CABLES1: variants seen among roughly 807,000 people sequenced by gnomAD.
CABLES1 encodes CDK5 and ABL1 enzyme substrate 1.
Under a neutral mutation model 57.8 loss-of-function variants are expected in CABLES1, and 36 were observed. That is an observed-to-expected ratio of 0.62 (90% CI 0.48 to 0.82). CABLES1 has a LOEUF of 0.82. Ranked by LOEUF, CABLES1 falls within the 40% of genes least tolerant of loss-of-function variation. CABLES1 has a pLI of 0.00. For synonymous variants in CABLES1, 374 were observed against 363.0 expected, an observed-to-expected ratio of 1.03 and a Z score of -0.35; for missense variants, 767 against 836.6, an observed-to-expected ratio of 0.92 and a Z score of 1.03.
In CABLES1 at chr18:23,214,017, T is replaced by C. The variant is rs1364335880; in HGVS notation, c.1051T>C (p.Phe351Leu). ...TGGCAGAAGATCCTTCTGTAGTATATTTTCAGTGCTGCCGTATCGCGACAG... is the reference window on the plus strand; with the variant it reads ...TGGCAGAAGATCCTTCTGTAGTATACTTTCAGTGCTGCCGTATCGCGACAG... ...ISGRRSFCSI[F>L]SVLPYRDSTQ... is the part of the protein sequence containing the mutation. The change falls in exon 4 of 10, where the codon TTT becomes CTT. Residue 351 changes from phenylalanine to leucine, a missense_variant. Physicochemically the swap from Phe to Leu is conservative, Grantham distance 22. Transcript: ENST00000256925. 4 of 1,613,310 alleles carry C rather than the reference T, an allele frequency of 2.5e-6. No individual in the cohort carries two copies. Among genetic ancestry groups the C allele is most frequent in the Middle Eastern group, 1.7e-4 (1 of 6,056 alleles).
At chr18:23,152,774 C>T (rs2046939528) in intron 1 of CABLES1, among the ~76,000 whole-genome samples, 1 of 151,558 alleles carries the variant, frequency 6.6e-6, no homozygotes, top group African/African-American at 2.4e-5. Context: ...CTCGAGCCAC[C>T]ATGCCAGGCC....
At chr18:23,160,814 A>G (rs1180555110) in intron 1 of CABLES1, among the ~76,000 whole-genome samples, 1 of 152,146 alleles carries the variant, frequency 6.6e-6, no homozygotes, top group African/African-American at 2.4e-5. Context: ...CGGGCAGATC[A>G]CTTGAGGTCA....
At chr18:23,145,708 ATGTT>A (rs775566149) in intron 1 of CABLES1, among the ~76,000 whole-genome samples, 19 of 152,226 alleles carry the variant, frequency 1.2e-4, no homozygotes, top group Non-Finnish European at 2.5e-4. Context: ...TTGTATTTTT[ATGTT>A]TGTTTGATTT....
chr18:23,208,500 TG>T (rs2047380866), intron 3 of CABLES1, among the ~76,000 whole-genome samples: 3 of 152,276 alleles, frequency 2.0e-5, no homozygotes, highest in Non-Finnish European at 4.4e-5. Context: ...GGAACGGCTG[TG>T]GGAAAAGGGG....
chr18:23,180,841 T>G (rs574678325), intron 1 of CABLES1, among the ~76,000 whole-genome samples: 1,770 of 152,106 alleles, frequency 0.012, 21 homozygotes, highest in Non-Finnish European at 0.016. Context: ...ATGTCTGTGG[T>G]GGGGGGATGG....
rs1417453742 is a variant in CABLES1 at position 23,190,016 on chromosome 18, C to T, written c.917+1107C>T. Among the ~76,000 whole-genome samples the T allele has an allele frequency of 2.6e-5, 4 of 152,308 alleles. No homozygotes were observed. The East Asian group carries it at 5.8e-4, about 22-fold the overall frequency. On this transcript the variant is annotated intron_variant, in intron 2 of 9. Transcript: ENST00000256925. ...TCCACTTTTGGAGTCTTTTTCAAAGCGTGGGTAACCTCCAGGTGCCTCCTA... is the reference window on the plus strand; with the variant it reads ...TCCACTTTTGGAGTCTTTTTCAAAGTGTGGGTAACCTCCAGGTGCCTCCTA...
At chr18:23,173,177 GA>G (rs2047095527) in intron 1 of CABLES1, among the ~76,000 whole-genome samples, 2 of 152,352 alleles carry the variant, frequency 1.3e-5, no homozygotes, top group Middle Eastern at 3.4e-3. Flanking sequence ...GCTGGGGATG[GA>G]GCACCAGGTA....
At chr18:23,212,257 T>C (rs978658376) in intron 3 of CABLES1, among the ~76,000 whole-genome samples, 6 of 152,212 alleles carry the variant, frequency 3.9e-5, no homozygotes, top group Admixed American at 3.9e-4. Flanking sequence ...ATTTATTGAG[T>C]GTGTACTATT....
intron 1 of CABLES1, among the ~76,000 whole-genome samples, chr18:23,180,960 A>G (rs1261748190): frequency 6.6e-6 from 1 of 152,172 alleles, no homozygotes; most frequent in African/African-American, 2.4e-5. Context: ...TTTCTAGGCT[A>G]ATATGCCCCA....
At chr18:23,177,418 T>TACACACACACACACACACACAC in intron 1 of CABLES1, among the ~76,000 whole-genome samples, 1 of 144,738 alleles carries the variant, frequency 6.9e-6, no homozygotes, top group East Asian at 2.1e-4. Flanking sequence ...AGCACATGTG[T>TACACACACACACACACACACAC]ACACACACAC....
intron 1 of CABLES1, among the ~76,000 whole-genome samples, chr18:23,140,778 A>G (rs1020213450): frequency 6.6e-6 from 1 of 152,176 alleles, no homozygotes; most frequent in African/African-American, 2.4e-5. Context: ...TTTGCCTCTG[A>G]GAACACTTGG....
chr18:23,146,869 C>A (rs1460424962), intron 1 of CABLES1, among the ~76,000 whole-genome samples: 5 of 152,152 alleles, frequency 3.3e-5, no homozygotes, highest in African/African-American at 1.2e-4. Flanking sequence ...AAGAAAGAAT[C>A]AACTAAGTAC....
In CABLES1 at chr18:23,140,438, CTTTTTTTTTT is replaced by C. The variant is rs11358415; in HGVS notation, c.845+3838_845+3847del. On this transcript the variant is annotated intron_variant, in intron 1 of 9. Coordinates refer to ENST00000256925, the MANE Select transcript of CABLES1 (RefSeq NM_001100619.3). ...TATTTTTCTTTCTTTCGTTTTCTTT[CTTTTTTTTTT>C]TTTTTTGAGATGGAGTCTTGCTCTG... Among the ~76,000 whole-genome samples, 3 of 138,324 alleles carry C rather than the reference CTTTTTTTTTT, an allele frequency of 2.2e-5. No individual in the cohort carries two copies. In the East Asian group the frequency reaches 6.2e-4, roughly 29 times the overall value. The allele number at this position is 138,324 out of a possible 152,430, so 90.7% of individuals were successfully genotyped here. A position where few individuals can be genotyped will look rare whatever the true frequency, so the allele number is the denominator to read the frequency against.
intron 4 of CABLES1, 23 bp from the exon 5 acceptor site, chr18:23,234,585 T>A: frequency 6.3e-7 from 1 of 1,594,140 alleles, no homozygotes; most frequent in Non-Finnish European, 8.6e-7. Context: ...AGCATTTTTT[T>A]TTCCTCTGAC....
chr18:23,256,271 G>T (rs2048163133), intron 9 of CABLES1, among the ~76,000 whole-genome samples: 1 of 152,192 alleles, frequency 6.6e-6, no homozygotes, highest in South Asian at 2.1e-4. Flanking sequence ...TTCCTTTCCA[G>T]CTCCAGCAGC....
chr18:23,220,877 G>A (rs1055613342), intron 4 of CABLES1, among the ~76,000 whole-genome samples: 2 of 152,138 alleles, frequency 1.3e-5, no homozygotes, highest in Non-Finnish European at 2.9e-5. Context: ...GATATTTGTC[G>A]TCTTTAGAAT....
chr18:23,173,388 G>A (rs1335411995), intron 1 of CABLES1, among the ~76,000 whole-genome samples: 1 of 152,200 alleles, frequency 6.6e-6, no homozygotes, highest in African/African-American at 2.4e-5. Flanking sequence ...CAACCATCCA[G>A]CTCTTCCCTG....
chr18:23,257,433 C>T lies in CABLES1; in HGVS notation c.*66C>T. 2 of 1,489,010 alleles carry T rather than the reference C, an allele frequency of 1.3e-6. No individual in the cohort carries two copies. The highest frequency in any genetic ancestry group is 9.0e-7 in the Non-Finnish European group (1 of 1,114,344). 92.2% of individuals were successfully genotyped at this position (1,489,010 alleles called of 1,614,324 possible). The stretch of plus-strand genomic sequence containing the variant: ...TTGGTGGAGCAGCACTTACTTACTA[C>T]TGGAAATGAAAAAAAGTAGAACTCA... On this transcript the variant is annotated 3_prime_UTR_variant, in exon 10 of 10. Transcript: ENST00000256925.
intron 7 of CABLES1, among the ~76,000 whole-genome samples, chr18:23,249,526 G>A (rs2047986353): frequency 6.6e-6 from 1 of 152,212 alleles, no homozygotes; most frequent in Non-Finnish European, 1.5e-5. Flanking sequence ...TGACTCAGTG[G>A]GGCTGGAGCA....
Sources: allele counts gnomAD v4.1 joint callset (sites outside exome capture counted in the v4.1 genomes callset), GRCh38; gene constraint gnomAD v4.1.1; transcripts MANE v1.5; gene names NCBI Gene and HGNC (gene_info 2026-07-23, HGNC 2026-07-21).